Variants in TRIO observed in about 807,000 individuals in gnomAD.
TRIO encodes the protein triple functional domain protein.
Under a neutral mutation model 351.9 loss-of-function variants are expected in TRIO, and 58 were observed. The ratio of observed to expected loss-of-function variants is 0.16; its 90% CI spans 0.13 to 0.21. The LOEUF (loss-of-function observed/expected upper bound fraction) is 0.21. Ranked by LOEUF, TRIO falls within the 10% of genes least tolerant of loss-of-function variation. TRIO has a pLI of 1.00. For missense variants in TRIO, 3,201 were observed against 4,027.8 expected, an observed-to-expected ratio of 0.79 and a Z score of 5.56; for synonymous variants, 1,758 against 1,595.7, an observed-to-expected ratio of 1.10 and a Z score of -2.42.
chr5:14,370,237 C>T (rs982953285), intron 18 of TRIO, among the ~76,000 whole-genome samples: 1 of 152,004 alleles, frequency 6.6e-6, no homozygotes, highest in Non-Finnish European at 1.5e-5. Flanking sequence ...GCGGTCCTCC[C>T]GCTTCAGCCT....
chr5:14,152,629 C>G (rs368185792), intron 1 of TRIO, among the ~76,000 whole-genome samples: 1 of 152,220 alleles, frequency 6.6e-6, no homozygotes, highest in Non-Finnish European at 1.5e-5. Context: ...CTTGGGCTCC[C>G]AAAGTGCTGG....
chr5:14,418,498 G>C (rs1010637572), intron 33 of TRIO, among the ~76,000 whole-genome samples: 17 of 151,984 alleles, frequency 1.1e-4, no homozygotes, highest in Non-Finnish European at 2.1e-4. Context: ...GAAAAGAGTG[G>C]GGTTTTTTAG....
chr5:14,475,421 A>T (rs894335470), intron 40 of TRIO, among the ~76,000 whole-genome samples: 7 of 152,204 alleles, frequency 4.6e-5, no homozygotes, highest in Admixed American at 6.5e-5. Flanking sequence ...GCAGAAGCAG[A>T]TGGGAATATG....
intron 47 of TRIO, among the ~76,000 whole-genome samples, chr5:14,485,926 C>T (rs27684): frequency 0.55 from 82,740 of 151,692 alleles, 25,509 homozygotes; most frequent in African/African-American, 0.85. Flanking sequence ...AGGCGGAGAT[C>T]GTGGTGAGCT....
At chr5:14,185,950 C>T (rs1422144715) in intron 1 of TRIO, among the ~76,000 whole-genome samples, 2 of 152,088 alleles carry the variant, frequency 1.3e-5, no homozygotes, top group East Asian at 1.9e-4. Flanking sequence ...TGCAAAAGGC[C>T]GATTCCTAGT....
In TRIO at chr5:14,293,041, C is replaced by T. The variant is rs755304620; in HGVS notation, c.1083C>T (p.Gly361=). The T allele has an allele frequency of 6.2e-7, 1 of 1,614,136 alleles. No individual in the cohort carries two copies. Among genetic ancestry groups the T allele is most frequent in the South Asian group, 1.1e-5 (1 of 91,078 alleles). ...TTGACTGGATCACACACAACAAAGG[C>T]CTGTTTCTAAACAGCTACACAGAGA... ...KMFDWITHNK[G]LFLNSYTEIG... The change falls in exon 6 of 57, where the codon GGC becomes GGT. Residue 361 remains glycine, a synonymous_variant. Coordinates refer to ENST00000344204, the MANE Select transcript of TRIO (RefSeq NM_007118.4).
rs1579867798 is a variant in TRIO at position 14,508,032 on chromosome 5, T to C, written c.8904T>C (p.Pro2968=). Residue 2968 remains proline (P), a synonymous_variant, in exon 57 of 57, where the codon CCT becomes CCC. Transcript: ENST00000344204. ...FAAPEIILGN[P]VSLTSDTWSV... ...CCCCTGAAATCATCCTCGGGAACCC[T>C]GTCTCCCTGACCTCGGATACGTGGA... is the stretch of plus-strand genomic sequence containing the variant. 1 of 1,614,238 alleles carries C rather than the reference T, an allele frequency of 6.2e-7. No individual in the cohort carries two copies. Among genetic ancestry groups the C allele is most frequent in the Non-Finnish European group, 8.5e-7 (1 of 1,180,034 alleles).
chr5:14,272,109 C>A (rs549812227), intron 2 of TRIO, among the ~76,000 whole-genome samples: 1 of 152,220 alleles, frequency 6.6e-6, no homozygotes, highest in Non-Finnish European at 1.5e-5. Context: ...ATTTGCTCTT[C>A]TCTAATCATT....
intron 15 of TRIO, among the ~76,000 whole-genome samples, chr5:14,366,457 T>A (rs1744597067): frequency 6.6e-6 from 1 of 152,194 alleles, no homozygotes; most frequent in South Asian, 2.1e-4. Context: ...TTCCCCCTTT[T>A]CAAGCATTTG....
At chr5:14,490,825 T>A (rs1756429373) in intron 48 of TRIO, 2 of 455,982 alleles carry the variant, frequency 4.4e-6, no homozygotes, top group Non-Finnish European at 8.8e-6. Flanking sequence ...GCAGAAGTTG[T>A]TTTTTGTTTA....
At chr5:14,167,441 G>A (rs369236447) in intron 1 of TRIO, among the ~76,000 whole-genome samples, 1 of 152,114 alleles carries the variant, frequency 6.6e-6, no homozygotes, top group East Asian at 1.9e-4. Flanking sequence ...AATCACACAC[G>A]TCAATATGAG....
At chr5:14,165,450 T>C (rs576208632) in intron 1 of TRIO, among the ~76,000 whole-genome samples, 1 of 152,378 alleles carries the variant, frequency 6.6e-6, no homozygotes, top group Admixed American at 6.5e-5. Context: ...CATTCTTTTT[T>C]AATCAATGCG....
intron 34 of TRIO, among the ~76,000 whole-genome samples, chr5:14,427,870 A>C (rs544519803): frequency 6.6e-6 from 1 of 152,204 alleles, no homozygotes; most frequent in Non-Finnish European, 1.5e-5. Context: ...ATAGCCACCA[A>C]CACAAGAGCC....
chr5:14,408,456 G>C (rs1057168740), intron 33 of TRIO, among the ~76,000 whole-genome samples: 1 of 152,010 alleles, frequency 6.6e-6, no homozygotes, highest in African/African-American at 2.4e-5. Context: ...CTATGTATTG[G>C]CATTCAGCAA....
intron 1 of TRIO, among the ~76,000 whole-genome samples, chr5:14,244,270 G>A (rs545451001): frequency 6.6e-6 from 1 of 152,178 alleles, no homozygotes; most frequent in Non-Finnish European, 1.5e-5. Context: ...GCACTTTGAA[G>A]TTGTAATTTC....
At chr5:14,291,263 T>C in intron 5 of TRIO, 35 bp downstream of exon 5, 1 of 1,593,552 alleles carries the variant, frequency 6.3e-7, no homozygotes, top group Non-Finnish European at 8.6e-7. Flanking sequence ...TCAGTGGACA[T>C]GGGGGAAGCC....
Position 14,275,624 on chromosome 5 carries a change from C to A in TRIO, c.233-4698C>A, listed in dbSNP as rs1735427638. Among the ~76,000 whole-genome samples, 3 of 150,836 alleles carry A rather than the reference C, an allele frequency of 2.0e-5. No individual in the cohort carries two copies. The South Asian group carries it at 6.3e-4, about 32-fold the overall frequency. On this transcript the variant is annotated intron_variant, in intron 2 of 56. Coordinates refer to ENST00000344204, the MANE Select transcript of TRIO (RefSeq NM_007118.4). ...AATCCTTCTGCTTTTAAAATATGAG[C>A]AATTCTATTGATTTTCCCTTCTGTT...
At position 14,480,006 on chromosome 5, in the gene TRIO, C is replaced by T. The variant is rs1344340202; in HGVS notation, c.6331C>T (p.Leu2111=). 1.9e-6 allele frequency: 3 copies of T among 1,613,936 alleles called. No homozygotes were observed. The highest frequency in any genetic ancestry group is 2.5e-6 in the Non-Finnish European group (3 of 1,179,908). The change falls in exon 43 of 57, where the codon CTG becomes TTG. Residue 2111 remains leucine (L), a synonymous_variant. Coordinates refer to ENST00000344204, the MANE Select transcript of TRIO (RefSeq NM_007118.4). ...VQRIMKYQLL[L]KDFLKYSKKA... is the part of the protein sequence containing the mutation. Reference sequence around the variant, plus strand: ...GAGAATCATGAAGTATCAGCTGTTACTGAAGGTGAGGAGGTGGCGGGACAA... The same window carrying T: ...GAGAATCATGAAGTATCAGCTGTTATTGAAGGTGAGGAGGTGGCGGGACAA...
intron 1 of TRIO, among the ~76,000 whole-genome samples, chr5:14,178,817 G>A (rs920706509): frequency 3.3e-5 from 5 of 152,178 alleles, no homozygotes; most frequent in African/African-American, 9.7e-5. Flanking sequence ...CAGGGGTGCT[G>A]CTGAGTCAGC....
Sources: allele counts gnomAD v4.1 joint callset (sites outside exome capture counted in the v4.1 genomes callset), GRCh38; gene constraint gnomAD v4.1.1; transcripts MANE v1.5; gene names NCBI Gene and HGNC (gene_info 2026-07-23, HGNC 2026-07-21).